EML4: variants seen among roughly 807,000 people sequenced by gnomAD.
The protein encoded by EML4 is echinoderm microtubule-associated protein-like 4.
EML4 carries 72 observed loss-of-function variants against 129.0 expected under a neutral mutation model. The observed-to-expected ratio is 0.56, with a 90% confidence interval of 0.46 to 0.68. The LOEUF is 0.68. Among genes scored for constraint, EML4 ranks in the 30% least tolerant of loss-of-function variants. The pLI is 0.00. For missense variants in EML4, 1,363 were observed against 1,190.6 expected (o/e 1.14, Z -2.13); for synonymous variants, 532 against 405.0 (o/e 1.31, Z -3.77).
At chr2:42,251,392 C>T (rs2104332320) in intron 2 of EML4, among the ~76,000 whole-genome samples, 1 of 152,306 alleles carries the variant, frequency 6.6e-6, no homozygotes, top group Non-Finnish European at 1.5e-5. Flanking sequence ...GACCAGGTAA[C>T]AATTACTGTT....
At chr2:42,181,880 T>A (rs1670965444) in intron 1 of EML4, among the ~76,000 whole-genome samples, 1 of 152,208 alleles carries the variant, frequency 6.6e-6, no homozygotes, top group Non-Finnish European at 1.5e-5. Context: ...GCTAGTTGTG[T>A]TCAGTGCTGC....
chr2:42,254,140 G>C (rs1259696324), intron 2 of EML4, among the ~76,000 whole-genome samples: 1 of 152,108 alleles, frequency 6.6e-6, no homozygotes, highest in East Asian at 1.9e-4. Flanking sequence ...TTGAGGCATT[G>C]GTAAAAGAAC....
Position 42,301,406 on chromosome 2 carries a change from C to T in EML4, c.1641+14C>T, listed in dbSNP as rs114572136. On this transcript the variant is annotated intron_variant, in intron 14 of 22. Transcript: ENST00000318522. Reference sequence around the variant, plus strand: ...AGAGAAATAGAGGTAAGGATGGAAACGGAATATAAAAATATTAAATACTCT... The same window carrying T: ...AGAGAAATAGAGGTAAGGATGGAAATGGAATATAAAAATATTAAATACTCT... 9,176 of 1,593,564 alleles carry T rather than the reference C, an allele frequency of 5.8e-3. 61 individuals carry two copies. Among genetic ancestry groups the T allele is most frequent in the South Asian group, 0.015 (1,285 of 87,758 alleles).
chr2:42,277,592 C>G (rs937670022), intron 6 of EML4, among the ~76,000 whole-genome samples: 1 of 135,854 alleles, frequency 7.4e-6, no homozygotes, highest in Non-Finnish European at 1.5e-5. Flanking sequence ...TTTTTTGAGA[C>G]GGAGTCTCAC....
intron 13 of EML4, among the ~76,000 whole-genome samples, chr2:42,298,558 A>C (rs1200736634): frequency 6.6e-6 from 1 of 152,210 alleles, no homozygotes; most frequent in Non-Finnish European, 1.5e-5. Flanking sequence ...TAATTTGTTT[A>C]AATTAGAAAC....
chr2:42,271,250 C>A (rs563436775), intron 6 of EML4, among the ~76,000 whole-genome samples: 1 of 152,278 alleles, frequency 6.6e-6, no homozygotes, highest in Admixed American at 6.5e-5. Flanking sequence ...TAACTTGGAT[C>A]CCTACATCTG....
In EML4 at chr2:42,261,183, C is replaced by G. The variant is rs778156840; in HGVS notation, c.401C>G (p.Ser134Cys). ...AGAGAAAAAAAAGAGGAATCTCATT[C>G]TAATGATCAAAGTCCACAAATTCGA... is the stretch of plus-strand genomic sequence containing the variant. ...GQREKKEESH[S>C]NDQSPQIRAS... The change falls in exon 4 of 23, where the codon TCT (serine) becomes TGT (cysteine). Residue 134 changes from serine (S) to cysteine (C), a missense_variant. By Grantham distance (112) the Ser-to-Cys change is moderately radical. Coordinates refer to ENST00000318522, the MANE Select transcript of EML4 (RefSeq NM_019063.5). 124 of 1,613,666 alleles carry G rather than the reference C, an allele frequency of 7.7e-5. No homozygotes were observed. The highest frequency in any genetic ancestry group is 1.0e-4 in the Non-Finnish European group (121 of 1,179,842).
chr2:42,265,696 A>T (rs1293754491), intron 6 of EML4, among the ~76,000 whole-genome samples: 1 of 152,228 alleles, frequency 6.6e-6, no homozygotes, highest in Non-Finnish European at 1.5e-5. Flanking sequence ...ATAAATTTTA[A>T]CTCAGTTTCC....
intron 14 of EML4, among the ~76,000 whole-genome samples, 166 bp downstream of exon 14, chr2:42,301,558 A>G (rs528217306): frequency 2.0e-5 from 3 of 147,612 alleles, no homozygotes; most frequent in East Asian, 3.9e-4. Context: ...AACTTTTTTC[A>G]AAAAAAAAAG....
At position 42,213,165 on chromosome 2, in the gene EML4, A is replaced by G. The variant is rs567994526; in HGVS notation, c.26-32340A>G. Among the ~76,000 whole-genome samples, 7 of 152,370 alleles carry G rather than the reference A, an allele frequency of 4.6e-5. No individual in the cohort carries two copies. The South Asian group carries it at 1.4e-3, about 32-fold the overall frequency. On this transcript the variant is annotated intron_variant, in intron 1 of 22. Coordinates refer to ENST00000318522, the MANE Select transcript of EML4 (RefSeq NM_019063.5). ...TTAATTGAAGTCTACCTTAACGTACAGAAAAAGTACACTCATGATAACATA... is the reference window on the plus strand; with the variant it reads ...TTAATTGAAGTCTACCTTAACGTACGGAAAAAGTACACTCATGATAACATA...
intron 3 of EML4, among the ~76,000 whole-genome samples, chr2:42,258,449 G>A (rs567332214): frequency 6.6e-6 from 1 of 152,130 alleles, no homozygotes; most frequent in Non-Finnish European, 1.5e-5. Flanking sequence ...TGCCCAGGCT[G>A]GAGTGCAATG....
intron 1 of EML4, among the ~76,000 whole-genome samples, chr2:42,187,641 C>G (rs1671337156): frequency 6.6e-6 from 1 of 151,698 alleles, no homozygotes; most frequent in South Asian, 2.1e-4. Context: ...TGTTTTCTTT[C>G]TCTATGAATT....
chr2:42,330,455 CA>C lies in EML4; in HGVS notation c.*251del. The stretch of plus-strand genomic sequence containing the variant: ...AGACTGAATCATTAATGATGTCTCA[CA>C]AATTACTGTGTACCTAAGTGGTGTG... On this transcript the variant is annotated 3_prime_UTR_variant, in exon 23 of 23. Transcript: ENST00000318522. 1 of 575,944 alleles carries C rather than the reference CA, an allele frequency of 1.7e-6. No individual in the cohort carries two copies. The highest frequency in any genetic ancestry group is 3.1e-6 in the Non-Finnish European group (1 of 318,240). The allele number at this position is 575,944 out of a possible 1,614,324, so 35.7% of individuals were successfully genotyped here.
Position 42,245,591 on chromosome 2 carries a change from A to G in EML4, c.112A>G (p.Ile38Val). 10 of 1,613,958 alleles carry G rather than the reference A, an allele frequency of 6.2e-6. No homozygotes were observed. The highest frequency in any genetic ancestry group is 8.5e-6 in the Non-Finnish European group (10 of 1,179,900). Residue 38 changes from isoleucine (I) to valine (V), a missense_variant, in exon 2 of 23, where the codon ATC becomes GTC. Ile to Val is a conservative substitution (Grantham distance 29, BLOSUM62 3). Coordinates refer to ENST00000318522, the MANE Select transcript of EML4 (RefSeq NM_019063.5). ...ACGAGTTCAGCAACAAGAAGATGAA[A>G]TCACTGTGCTAAAGGCGGCTTTGGC... ...ESRVQQQEDEITVLKAALADV... is the reference protein window; with the variant it reads ...ESRVQQQEDEVTVLKAALADV...
intron 1 of EML4, among the ~76,000 whole-genome samples, chr2:42,231,231 A>C (rs1008877291): frequency 6.6e-6 from 1 of 152,192 alleles, no homozygotes; most frequent in Admixed American, 6.5e-5. Context: ...GCAGTCTAAC[A>C]TTATGTCTCC....
At chr2:42,304,062 T>A (rs1240901297) in intron 16 of EML4, among the ~76,000 whole-genome samples, 1 of 152,222 alleles carries the variant, frequency 6.6e-6, no homozygotes, top group African/African-American at 2.4e-5. Flanking sequence ...TCGGGTGGCA[T>A]TGCAGTTGGA....
chr2:42,229,851 C>T (rs765229168), intron 1 of EML4, among the ~76,000 whole-genome samples: 4 of 151,680 alleles, frequency 2.6e-5, no homozygotes, highest in Non-Finnish European at 4.4e-5. Flanking sequence ...TGGTCATATC[C>T]TGGCAGAGGG....
intron 20 of EML4, among the ~76,000 whole-genome samples, 184 bp downstream of exon 20, chr2:42,325,738 G>C (rs1163361679): frequency 2.7e-5 from 4 of 150,304 alleles, no homozygotes; most frequent in African/African-American, 9.7e-5. Flanking sequence ...CAAAGCATAT[G>C]TTATGCTGAG....
intron 18 of EML4, among the ~76,000 whole-genome samples, chr2:42,316,649 T>A (rs1407212299): frequency 6.6e-6 from 1 of 152,226 alleles, no homozygotes; most frequent in African/African-American, 2.4e-5. Flanking sequence ...GTTATTAATG[T>A]AGCTTTGATT....
Sources: gnomAD v4.1 joint callset for allele counts (sites outside exome capture counted in the v4.1 genomes callset) on GRCh38, gnomAD v4.1.1 for gene constraint, MANE v1.5 for transcripts, NCBI Gene and HGNC (gene_info 2026-07-23, HGNC 2026-07-21) for gene names.